GRID2: variants seen among roughly 807,000 people sequenced by gnomAD.
GRID2 encodes glutamate ionotropic receptor delta type subunit 2.
GRID2 carries 33 observed loss-of-function variants against 114.8 expected under a neutral mutation model. The ratio of observed to expected loss-of-function variants is 0.29; its 90% confidence interval spans 0.22 to 0.38. The LOEUF is 0.38. Ranked by LOEUF, GRID2 falls within the 10% of genes least tolerant of loss-of-function variation. The pLI, the probability that GRID2 is intolerant of heterozygous loss-of-function variation, is 1.00. For missense variants in GRID2, 1,184 were observed against 1,257.7 expected (o/e 0.94, Z 0.89); for synonymous variants, 505 against 449.9 (o/e 1.12, Z -1.55).
At chr4:92,743,826 C>G (rs540091105) in intron 2 of GRID2, among the ~76,000 whole-genome samples, 1 of 152,290 alleles carries the variant, frequency 6.6e-6, no homozygotes, top group South Asian at 2.1e-4. Context: ...ATTAAACCTT[C>G]TCTTTAAAAA....
Position 92,661,411 on chromosome 4 carries a change from AT to A in GRID2, c.244+71126del, listed in dbSNP as rs142510302. Among the ~76,000 whole-genome samples, 427 of 151,080 alleles carry A rather than the reference AT, an allele frequency of 2.8e-3. 1 individual carries two copies. Among genetic ancestry groups the A allele is most frequent in the Middle Eastern group, 6.8e-3 (2 of 294 alleles). On this transcript the variant is annotated intron_variant, in intron 2 of 15. Transcript: ENST00000282020. ...TATTTTGTGGCCAATACATTAAAAA[AT>A]ATCTTTAAATGAAACAGCTTTACCA...
chr4:92,529,987 G>A (rs2149149091), intron 1 of GRID2, among the ~76,000 whole-genome samples: 1 of 152,014 alleles, frequency 6.6e-6, no homozygotes, highest in African/African-American at 2.4e-5. Flanking sequence ...GTTGGCAACT[G>A]TATGGAGTAT....
chr4:92,354,399 C>G (rs1045530592), intron 1 of GRID2, among the ~76,000 whole-genome samples: 3 of 151,880 alleles, frequency 2.0e-5, no homozygotes, highest in Non-Finnish European at 4.4e-5. Context: ...TAGCTGCCTA[C>G]TCTGTAATTT....
chr4:92,934,276 T>C (rs575296136), intron 2 of GRID2, among the ~76,000 whole-genome samples: 2 of 151,988 alleles, frequency 1.3e-5, no homozygotes, highest in South Asian at 4.1e-4. Flanking sequence ...TTCCTAGGTA[T>C]TTTATTCTCT....
chr4:93,792,377 G>T (rs1410816223), intron 1 of GRID2, among the ~76,000 whole-genome samples: 1 of 152,008 alleles, frequency 6.6e-6, no homozygotes, highest in Non-Finnish European at 1.5e-5. Context: ...TCTCTTATGT[G>T]CTCTGTTCAT....
chr4:93,693,045 A>G (rs1013953151), intron 14 of GRID2, among the ~76,000 whole-genome samples: 2 of 152,216 alleles, frequency 1.3e-5, no homozygotes, highest in African/African-American at 4.8e-5. Flanking sequence ...AGTTGAACTA[A>G]GATCTGCTAT....
Position 92,906,350 on chromosome 4 carries a change from T to C in GRID2, c.245-178645T>C, listed in dbSNP as rs534648059. 2.0e-5 allele frequency among the ~76,000 whole-genome samples: 3 copies of C among 146,900 alleles called. No homozygotes were observed. The Admixed American group carries it at 2.1e-4, about 10-fold the overall frequency. On this transcript the variant is annotated intron_variant, in intron 2 of 15. Coordinates refer to ENST00000282020, the MANE Select transcript of GRID2 (RefSeq NM_001510.4). ...TTATGTATGTGCTCTAGGCAGAGCT[T>C]TTACTAGCTTACACATCTCTACGCA...
intron 4 of GRID2, among the ~76,000 whole-genome samples, chr4:93,186,468 T>C (rs944157214): frequency 3.3e-5 from 5 of 152,176 alleles, no homozygotes; most frequent in Non-Finnish European, 5.9e-5. Context: ...ATAAAATTTA[T>C]TTTTATCAAA....
At chr4:93,553,905 G>C (rs961402786) in intron 13 of GRID2, among the ~76,000 whole-genome samples, 6 of 152,110 alleles carry the variant, frequency 3.9e-5, no homozygotes, top group South Asian at 2.1e-4. Flanking sequence ...CTCAACTGTA[G>C]ATTATAGTTA....
intron 2 of GRID2, among the ~76,000 whole-genome samples, chr4:92,762,538 A>G (rs1738070416): frequency 6.6e-6 from 1 of 152,110 alleles, no homozygotes; most frequent in Admixed American, 6.6e-5. Flanking sequence ...AAACCTCTTA[A>G]CCTAGTCAGA....
intron 4 of GRID2, among the ~76,000 whole-genome samples, chr4:93,198,982 A>T (rs772303263): frequency 7.9e-5 from 12 of 152,164 alleles, no homozygotes; most frequent in Non-Finnish European, 1.6e-4. Flanking sequence ...CATACTTAAG[A>T]ATTAATTTAC....
chr4:93,175,045 A>G (rs1174043136), intron 4 of GRID2, among the ~76,000 whole-genome samples: 1 of 152,182 alleles, frequency 6.6e-6, no homozygotes, highest in East Asian at 1.9e-4. Flanking sequence ...CAACTGCCAT[A>G]CACTTTTTCT....
chr4:92,580,421 A>G (rs1728126121), intron 1 of GRID2, among the ~76,000 whole-genome samples: 1 of 151,926 alleles, frequency 6.6e-6, no homozygotes, highest in African/African-American at 2.4e-5. Flanking sequence ...CCTACCTGAA[A>G]TATTCTACAG....
chr4:93,016,971 T>G lies in GRID2; in HGVS notation c.245-68024T>G, dbSNP rs1722808803. Among the ~76,000 whole-genome samples the G allele has an allele frequency of 2.0e-5, 3 of 152,144 alleles. No individual in the cohort carries two copies. The South Asian group carries it at 6.2e-4, about 31-fold the overall frequency. ...ATGCTTCTGTCACGTTTTGGGGTAA[T>G]TGCACAGAAAAGATGAATTCATGTT... On this transcript the variant is annotated intron_variant, in intron 2 of 15. Coordinates refer to ENST00000282020, the MANE Select transcript of GRID2 (RefSeq NM_001510.4).
In GRID2 at chr4:92,585,553, C is replaced by T. The variant is rs549574415; in HGVS notation, c.89-4578C>T. On this transcript the variant is annotated intron_variant, in intron 1 of 15. Transcript: ENST00000282020. ...ATGTAGATGTGTTGATGCTTGGTTTCAATATTTAGAGTCTTTTATTTTAAA... is the reference window on the plus strand; with the variant it reads ...ATGTAGATGTGTTGATGCTTGGTTTTAATATTTAGAGTCTTTTATTTTAAA... Among the ~76,000 whole-genome samples, 8 of 152,030 alleles carry T rather than the reference C, an allele frequency of 5.3e-5. No individual in the cohort carries two copies. In the South Asian group the frequency reaches 1.0e-3, roughly 20 times the overall value.
chr4:93,026,174 GT>G (rs1485145662), intron 2 of GRID2, among the ~76,000 whole-genome samples: 1 of 151,732 alleles, frequency 6.6e-6, no homozygotes, highest in Non-Finnish European at 1.5e-5. Context: ...CCTTTCAGCA[GT>G]TATAATCAAT....
chr4:93,015,774 G>A (rs1722630034), intron 2 of GRID2, among the ~76,000 whole-genome samples: 1 of 152,156 alleles, frequency 6.6e-6, no homozygotes, highest in Non-Finnish European at 1.5e-5. Context: ...CAGGGAGTTT[G>A]GAACCTGGAT....
intron 2 of GRID2, among the ~76,000 whole-genome samples, chr4:93,073,598 A>G (rs894482615): frequency 1.3e-5 from 2 of 152,074 alleles, no homozygotes; most frequent in Admixed American, 6.6e-5. Flanking sequence ...AGGGTTGACT[A>G]TGTTTTTCCC....
At chr4:93,366,651 GA>G (rs1321345513) in intron 8 of GRID2, among the ~76,000 whole-genome samples, 1 of 151,936 alleles carries the variant, frequency 6.6e-6, no homozygotes, top group Non-Finnish European at 1.5e-5. Context: ...CTCCCCTTTT[GA>G]AAATCCCTAA....
Sources: allele counts gnomAD v4.1 joint callset (sites outside exome capture counted in the v4.1 genomes callset), GRCh38; gene constraint gnomAD v4.1.1; transcripts MANE v1.5; gene names NCBI Gene and HGNC (gene_info 2026-07-23, HGNC 2026-07-21).